Variants in NUTM2G observed in about 807,000 individuals in gnomAD.
The protein encoded by NUTM2G is NUT family member 2G.
Under a neutral mutation model 44.3 loss-of-function variants are expected in NUTM2G, and 29 were observed. The ratio of observed to expected loss-of-function variants is 0.66; its 90% CI spans 0.49 to 0.89. NUTM2G has a LOEUF of 0.89. Among genes scored for constraint, NUTM2G ranks in the 40% least tolerant of loss-of-function variants. The pLI, the probability that NUTM2G is intolerant of heterozygous loss-of-function variation, is 0.00. For missense variants in NUTM2G, 502 were observed against 946.5 expected, an observed-to-expected ratio of 0.53 and a Z score of 6.16; for synonymous variants, 205 against 395.9, an observed-to-expected ratio of 0.52 and a Z score of 5.72.
In NUTM2G at chr9:96,929,048, T is replaced by C; in HGVS notation, c.16+8T>C. On this transcript the variant is annotated splice_region_variant and intron_variant, in intron 1 of 6. Transcript: ENST00000372322. ...GGATGGCTTCAAATGGAGGTGAGCC[T>C]GTAGGGATGGGGCATTATCCTAGTC... 6.2e-7 allele frequency: 1 copy of C among 1,610,618 alleles called. No homozygotes were observed. The highest frequency in any genetic ancestry group is 8.5e-7 in the Non-Finnish European group (1 of 1,179,630).
intron 1 of NUTM2G, among the ~76,000 whole-genome samples, chr9:96,930,872 GTTTTTTTTTTTTTTTTTTTTTTTTTTTT>G (rs1168888338): frequency 4.1e-5 from 3 of 72,726 alleles, no homozygotes; most frequent in African/African-American, 1.1e-4. Context: ...CCATCCAGTG[GTTTTTTTTTTTTTTTTTTTTTTTTTTTT>G]TTTTTTTTTT....
At position 96,935,498 on chromosome 9, in the gene NUTM2G, G is replaced by A. The variant is rs182109362; in HGVS notation, c.842+42G>A. On this transcript the variant is annotated intron_variant, in intron 3 of 6. Transcript: ENST00000372322. ...GGGGGCAGGGCCCGTGTGGCGGGGT[G>A]AGAGTGAATGACAGAGGCCCGGTGG... The A allele has an allele frequency of 2.4e-3, 3,818 of 1,611,840 alleles. 63 individuals carry two copies. The African/African-American group carries it at 0.044, about 18-fold the overall frequency.
chr9:96,931,818 C>G lies in NUTM2G; in HGVS notation c.113C>G (p.Thr38Arg). The G allele has an allele frequency of 6.2e-7, 1 of 1,612,210 alleles. No individual in the cohort carries two copies. ...TTTGCCACACCCTCTCCCGGCCCAA[C>G]ACACAGGCCGCCCCTCGTGACTGCA... ...LPFATPSPGPTHRPPLVTAVV... is the reference protein window; with the variant it reads ...LPFATPSPGPRHRPPLVTAVV... The change falls in exon 2 of 7, where the codon ACA becomes AGA. Residue 38 changes from threonine to arginine, a missense_variant. Thr to Arg is a moderately conservative substitution (Grantham distance 71). Coordinates refer to ENST00000372322, the MANE Select transcript of NUTM2G (RefSeq NM_001170741.3).
intron 2 of NUTM2G, among the ~76,000 whole-genome samples, chr9:96,933,262 C>G (rs146202537): frequency 0.018 from 2,695 of 150,422 alleles, 35 homozygotes; most frequent in African/African-American, 0.025. Context: ...GCAGGCATGA[C>G]CCACCGTGCC....
chr9:96,930,380 T>C (rs1588198279), intron 1 of NUTM2G, among the ~76,000 whole-genome samples: 1 of 152,146 alleles, frequency 6.6e-6, no homozygotes, highest in African/African-American at 2.4e-5. Context: ...AAAAATTGGC[T>C]GGGCATGGTG....
rs1168888338 is a variant in NUTM2G, at chr9:96,930,872, G to GTTTTTTTTTTTT, written c.17-821_17-810dup. Among the ~76,000 whole-genome samples, 19 of 72,724 alleles carry GTTTTTTTTTTTT rather than the reference G, an allele frequency of 2.6e-4. 4 individuals are homozygous for GTTTTTTTTTTTT. Among genetic ancestry groups the GTTTTTTTTTTTT allele is most frequent in the African/African-American group, 4.0e-4 (7 of 17,570 alleles). 47.7% of individuals were successfully genotyped at this position (72,724 alleles called of 152,430 possible). On this transcript the variant is annotated intron_variant, in intron 1 of 6. Coordinates refer to ENST00000372322, the MANE Select transcript of NUTM2G (RefSeq NM_001170741.3). Reference sequence around the variant, plus strand: ...GGCTTGGGCGAGTTTCCATCCAGTGGTTTTTTTTTTTTTTTTTTTTTTTTT... The same window carrying GTTTTTTTTTTTT: ...GGCTTGGGCGAGTTTCCATCCAGTGGTTTTTTTTTTTTTTTTTTTTTTTTTTTTTTTTTTTTT...
At chr9:96,933,900 T>C (rs527644627) in intron 2 of NUTM2G, 2 of 152,274 alleles carry the variant, frequency 1.3e-5, no homozygotes, top group Non-Finnish European at 2.9e-5. Context: ...ATTAGCATCT[T>C]CACCGTCAAT....
chr9:96,939,362 CAGTGCCTTG>C lies in NUTM2G; in HGVS notation c.*214_*222del. 1 of 236,342 alleles carries C rather than the reference CAGTGCCTTG, an allele frequency of 4.2e-6. No individual in the cohort carries two copies. Among genetic ancestry groups the C allele is most frequent in the Non-Finnish European group, 6.9e-6 (1 of 144,336 alleles). 14.6% of individuals were successfully genotyped at this position (236,342 alleles called of 1,614,324 possible). A position where few individuals can be genotyped will look rare whatever the true frequency, so the allele number is the denominator to read the frequency against. The stretch of plus-strand genomic sequence containing the variant: ...AAGGGAGGGCCTGGGGGGTGGGAAG[CAGTGCCTTG>C]GGGGCCTTGTGTGTAAATGTGAATA... On this transcript the variant is annotated 3_prime_UTR_variant, in exon 7 of 7. Transcript: ENST00000372322.
chr9:96,931,940 T>C lies in NUTM2G; in HGVS notation c.235T>C (p.Ser79Pro). 6.2e-7 allele frequency: 1 copy of C among 1,612,008 alleles called. No individual in the cohort carries two copies. Among genetic ancestry groups the C allele is most frequent in the South Asian group, 1.1e-5 (1 of 90,994 alleles). The stretch of plus-strand genomic sequence containing the variant: ...CCGCGGCCCAAGTGGGGCTGGGGCT[T>C]CCAACGTCTTTGTCCAGATGAGGAC... The part of the protein sequence containing the change: ...DGRGPSGAGA[S>P]NVFVQMRTEV... The change falls in exon 2 of 7, where the codon TCC (serine) becomes CCC (proline). Residue 79 changes from serine to proline, a missense_variant. Coordinates refer to ENST00000372322, the MANE Select transcript of NUTM2G (RefSeq NM_001170741.3).
rs766379024 is a variant in NUTM2G at position 96,937,153 on chromosome 9, C to T, written c.1072C>T (p.Leu358=). The T allele has an allele frequency of 9.3e-6, 15 of 1,612,100 alleles. No homozygotes were observed. The East Asian group carries it at 2.5e-4, about 26-fold the overall frequency. The change falls in exon 5 of 7, where the codon CTG becomes TTG. Residue 358 remains leucine (L), a synonymous_variant. Coordinates refer to ENST00000372322, the MANE Select transcript of NUTM2G (RefSeq NM_001170741.3). ...GAGGCCAGCGGAGACCAAGGCCCAC[C>T]TGCCACCACCCAGGCCCCCGAGGCC... ...PQRPAETKAH[L]PPPRPPRPAE...
In NUTM2G at chr9:96,931,827, C is replaced by T. The variant is rs1226462587; in HGVS notation, c.122C>T (p.Pro41Leu). 4 of 1,612,176 alleles carry T rather than the reference C, an allele frequency of 2.5e-6. No individual in the cohort carries two copies. The highest frequency in any genetic ancestry group is 3.4e-6 in the Non-Finnish European group (4 of 1,179,872). The change falls in exon 2 of 7, where the codon CCG becomes CTG. Residue 41 changes from proline (P) to leucine (L), a missense_variant. Transcript: ENST00000372322. ...CCCTCTCCCGGCCCAACACACAGGC[C>T]GCCCCTCGTGACTGCAGTGGTTCCT... is the stretch of plus-strand genomic sequence containing the variant. ...ATPSPGPTHR[P>L]PLVTAVVPPA...
intron 3 of NUTM2G, 40 bp from the exon 4 acceptor site, chr9:96,936,385 T>C (rs1344764096): frequency 1.4e-5 from 21 of 1,554,546 alleles, no homozygotes; most frequent in Non-Finnish European, 1.7e-5. Flanking sequence ...GGAGGGGGCC[T>C]GGACCCTCTC....
At position 96,935,400 on chromosome 9, in the gene NUTM2G, G is replaced by C; in HGVS notation, c.786G>C (p.Arg262=). ...TLEEGLWRAM[R]EWQHTSNFDR... Reference sequence around the variant, plus strand: ...AGGAGGGACTGTGGCGGGCCATGCGGGAATGGCAGCACACGAGCAACTTTG... The same window carrying C: ...AGGAGGGACTGTGGCGGGCCATGCGCGAATGGCAGCACACGAGCAACTTTG... Residue 262 remains arginine, a synonymous_variant, in exon 3 of 7, where the codon CGG becomes CGC. Transcript: ENST00000372322. 1 of 1,612,080 alleles carries C rather than the reference G, an allele frequency of 6.2e-7. No individual in the cohort carries two copies. Among genetic ancestry groups the C allele is most frequent in the Non-Finnish European group, 8.5e-7 (1 of 1,179,870 alleles).
At chr9:96,931,184 G>A (rs1826234521) in intron 1 of NUTM2G, among the ~76,000 whole-genome samples, 1 of 152,006 alleles carries the variant, frequency 6.6e-6, no homozygotes, top group Non-Finnish European at 1.5e-5. Context: ...CAGCATGCCC[G>A]GCCTATCCAG....
chr9:96,931,845 T>G lies in NUTM2G; in HGVS notation c.140T>G (p.Val47Gly), dbSNP rs1564030751. Residue 47 changes from valine to glycine, a missense_variant, in exon 2 of 7, where the codon GTG (valine) becomes GGG (glycine). Transcript: ENST00000372322. ...CACAGGCCGCCCCTCGTGACTGCAG[T>G]GGTTCCTCCAGCCGGCCCTCTGGTG... ...PTHRPPLVTA[V>G]VPPAGPLVLS... The G allele has an allele frequency of 3.7e-6, 6 of 1,612,362 alleles. No individual in the cohort carries two copies. The highest frequency in any genetic ancestry group is 5.1e-6 in the Non-Finnish European group (6 of 1,179,844).
intron 1 of NUTM2G, among the ~76,000 whole-genome samples, 187 bp downstream of exon 1, chr9:96,929,227 T>A (rs1826167258): frequency 6.6e-6 from 1 of 152,048 alleles, no homozygotes; most frequent in South Asian, 2.1e-4. Context: ...GAGGGCTCCT[T>A]AGAGGCGGAC....
chr9:96,942,618 C>T (rs890787973), downstream of NUTM2G: 30 of 127,788 alleles, frequency 2.3e-4, no homozygotes, highest in Non-Finnish European at 1.7e-4. Context: ...GTTCATTTTC[C>T]GTCCTCATCT....
chr9:96,930,766 C>CTTGTG (rs1826213572), intron 1 of NUTM2G, among the ~76,000 whole-genome samples: 2 of 148,714 alleles, frequency 1.3e-5, no homozygotes. Flanking sequence ...CTATTTAACA[C>CTTGTG]TTGTGTGGGT....
chr9:96,930,963 C>T (rs1025754089), intron 1 of NUTM2G, among the ~76,000 whole-genome samples: 10 of 134,520 alleles, frequency 7.4e-5, no homozygotes, highest in African/African-American at 1.1e-4. Flanking sequence ...GGCACGATCT[C>T]GGCTCACTGC....
Sources: allele counts gnomAD v4.1 joint callset (sites outside exome capture counted in the v4.1 genomes callset), GRCh38; gene constraint gnomAD v4.1.1; transcripts MANE v1.5; gene names NCBI Gene and HGNC (gene_info 2026-07-23, HGNC 2026-07-21).